Variants in PDE4D observed in about 807,000 individuals in gnomAD.
The protein encoded by PDE4D is phosphodiesterase 4D.
PDE4D carries 24 observed loss-of-function variants against 87.4 expected under a neutral mutation model. The ratio of observed to expected loss-of-function variants is 0.27; its 90% CI spans 0.20 to 0.39. The LOEUF is 0.39. Among genes scored for constraint, PDE4D ranks in the 10% least tolerant of loss-of-function variants. PDE4D has a pLI of 1.00. For missense variants in PDE4D, 714 were observed against 1,041.0 expected (o/e 0.69, Z 4.32); for synonymous variants, 384 against 383.2 (o/e 1.00, Z -0.02).
chr5:59,213,128 TTCTC>T (rs1159760282), intron 2 of PDE4D, among the ~76,000 whole-genome samples: 2 of 151,082 alleles, frequency 1.3e-5, no homozygotes, highest in Non-Finnish European at 3.0e-5. Context: ...CCTTCTTCTC[TTCTC>T]TCTTATTCTT....
chr5:60,260,241 T>G (rs1428869054), intron 1 of PDE4D, among the ~76,000 whole-genome samples: 2 of 151,990 alleles, frequency 1.3e-5, no homozygotes, highest in Non-Finnish European at 2.9e-5. Flanking sequence ...AGTGATAAAC[T>G]GAGGCTCAGA....
At chr5:59,248,246 T>C (rs1461931265) in intron 1 of PDE4D, among the ~76,000 whole-genome samples, 2 of 150,666 alleles carry the variant, frequency 1.3e-5, no homozygotes, top group African/African-American at 4.9e-5. Context: ...CGCCTGGGCA[T>C]ATGTCTAGGA....
chr5:59,657,658 T>C (rs1744588823), intron 1 of PDE4D, among the ~76,000 whole-genome samples: 2 of 152,224 alleles, frequency 1.3e-5, no homozygotes, highest in Admixed American at 6.5e-5. Flanking sequence ...TGAGGAGATA[T>C]TGCTAACCTA....
chr5:60,010,675 T>C (rs1389356362), intron 2 of PDE4D, among the ~76,000 whole-genome samples: 2 of 152,162 alleles, frequency 1.3e-5, no homozygotes, highest in Admixed American at 1.3e-4. Context: ...TGGTGAAATG[T>C]TGTATTTGTT....
chr5:60,400,394 C>T (rs557207803), intron 1 of PDE4D, among the ~76,000 whole-genome samples: 90 of 151,292 alleles, frequency 5.9e-4, no homozygotes, highest in Non-Finnish European at 1.1e-3. Flanking sequence ...TGGTGGCAGG[C>T]GCCTGTAGTC....
intron 6 of PDE4D, among the ~76,000 whole-genome samples, chr5:59,031,581 G>A (rs1266689175): frequency 2.7e-5 from 4 of 148,062 alleles, no homozygotes; most frequent in East Asian, 2.0e-4. Flanking sequence ...GGTAGCGGGC[G>A]CCTGTAGTCC....
intron 1 of PDE4D, among the ~76,000 whole-genome samples, chr5:59,324,975 A>G (rs1775385722): frequency 6.6e-6 from 1 of 152,190 alleles, no homozygotes; most frequent in African/African-American, 2.4e-5. Context: ...TTAATGTGGC[A>G]TCATATAGAG....
At position 59,850,653 on chromosome 5, in the gene PDE4D, G is replaced by A. The variant is rs764997819; in HGVS notation, c.455+42515C>T. On this transcript the variant is annotated intron_variant, in intron 1 of 14. Transcript: ENST00000340635. ...GGTGAAGGGGAATGAAAGGGATGACGCCAGAGATGGTACAGATTATGTCCT... is the reference window on the plus strand; with the variant it reads ...GGTGAAGGGGAATGAAAGGGATGACACCAGAGATGGTACAGATTATGTCCT... Among the ~76,000 whole-genome samples, 6 of 152,076 alleles carry A rather than the reference G, an allele frequency of 3.9e-5. No individual in the cohort carries two copies. In the South Asian group the frequency reaches 1.0e-3, roughly 26 times the overall value.
At chr5:59,376,497 AAGG>A (rs1198434252) in intron 1 of PDE4D, among the ~76,000 whole-genome samples, 4 of 152,290 alleles carry the variant, frequency 2.6e-5, no homozygotes, top group East Asian at 3.9e-4. Flanking sequence ...AAATCTCTAC[AAGG>A]AGAACTACAT....
At chr5:59,951,890 T>G (rs1246626138) in intron 3 of PDE4D, among the ~76,000 whole-genome samples, 1 of 152,156 alleles carries the variant, frequency 6.6e-6, no homozygotes, top group Non-Finnish European at 1.5e-5. Flanking sequence ...CCGTTAAACA[T>G]CTCTGTTATT....
chr5:60,075,149 C>T (rs375126641), intron 2 of PDE4D, among the ~76,000 whole-genome samples: 26 of 152,256 alleles, frequency 1.7e-4, no homozygotes, highest in African/African-American at 2.9e-4. Flanking sequence ...TGTCTGATAA[C>T]GGTCTTTCCT....
chr5:59,926,810 C>T (rs1410989176), intron 3 of PDE4D, among the ~76,000 whole-genome samples: 1 of 152,086 alleles, frequency 6.6e-6, no homozygotes, highest in East Asian at 1.9e-4. Flanking sequence ...ATACAACCTA[C>T]CAAGATTGAA....
intron 1 of PDE4D, among the ~76,000 whole-genome samples, chr5:59,807,617 C>T (rs926692057): frequency 4.6e-5 from 7 of 152,092 alleles, no homozygotes; most frequent in Admixed American, 3.3e-4. Context: ...AATTGGAATC[C>T]GGCCTTCCAG....
chr5:59,308,862 AG>A (rs1359697430), intron 1 of PDE4D, among the ~76,000 whole-genome samples: 1 of 151,786 alleles, frequency 6.6e-6, no homozygotes, highest in Admixed American at 6.6e-5. Context: ...AAGGACCATC[AG>A]GTGGGGGCAA....
chr5:59,543,065 C>T (rs1816643448), intron 1 of PDE4D, among the ~76,000 whole-genome samples: 1 of 152,140 alleles, frequency 6.6e-6, no homozygotes, highest in Non-Finnish European at 1.5e-5. Context: ...TGAATCAGAT[C>T]ATGTTTGACT....
intron 2 of PDE4D, among the ~76,000 whole-genome samples, chr5:60,112,812 G>C (rs2149360760): frequency 6.6e-6 from 1 of 152,180 alleles, no homozygotes; most frequent in East Asian, 1.9e-4. Context: ...ACACAGAGGA[G>C]AATGGCTCTG....
Position 59,288,836 on chromosome 5 carries a change from T to C in PDE4D, c.456-72868A>G, listed in dbSNP as rs1441956789. 3.3e-5 allele frequency among the ~76,000 whole-genome samples: 5 copies of C among 152,130 alleles called. 1 individual carries two copies. The highest frequency in any genetic ancestry group is 1.3e-4 in the Admixed American group (2 of 15,264). On this transcript the variant is annotated intron_variant, in intron 1 of 14. Coordinates refer to ENST00000340635, the MANE Select transcript of PDE4D (RefSeq NM_001104631.2). ...AAAAAACTTTTATCTCAGGCTAGTA[T>C]ATCCTGTAAAAATATTCTCCAAACA...
intron 2 of PDE4D, among the ~76,000 whole-genome samples, chr5:59,213,148 T>C (rs1028653850): frequency 1.3e-5 from 2 of 148,738 alleles, no homozygotes; most frequent in African/African-American, 5.1e-5. Flanking sequence ...TTCTTCTCCT[T>C]CTCCTCCTTC....
intron 1 of PDE4D, among the ~76,000 whole-genome samples, chr5:60,445,689 T>C (rs1745590498): frequency 6.6e-6 from 1 of 152,124 alleles, no homozygotes; most frequent in Non-Finnish European, 1.5e-5. Flanking sequence ...AAGTTCCAGT[T>C]ATGTAAAATG....
Sources: gnomAD v4.1 joint callset for allele counts (sites outside exome capture counted in the v4.1 genomes callset) on GRCh38, gnomAD v4.1.1 for gene constraint, MANE v1.5 for transcripts, NCBI Gene and HGNC (gene_info 2026-07-23, HGNC 2026-07-21) for gene names.